Variants in CDS1 observed in about 807,000 individuals in gnomAD.
CDS1 encodes phosphatidate cytidylyltransferase 1.
In CDS1, 41 loss-of-function variants were observed where a neutral mutation model predicts 62.1. That is an observed-to-expected ratio of 0.66 (90% CI 0.51 to 0.86). The LOEUF (loss-of-function observed/expected upper bound fraction) is 0.86, where lower values mean the gene tolerates loss of function less well. CDS1 is among the 40% of genes least tolerant of loss of function. The pLI, the probability that CDS1 is intolerant of heterozygous loss-of-function variation, is 0.00. For missense variants in CDS1, 470 were observed against 550.1 expected (o/e 0.85, Z 1.46); for synonymous variants, 185 against 192.6 (o/e 0.96, Z 0.32).
chr4:84,614,600 A>G (rs1164539023), intron 3 of CDS1, among the ~76,000 whole-genome samples: 2 of 152,240 alleles, frequency 1.3e-5, no homozygotes, highest in Non-Finnish European at 2.9e-5. Flanking sequence ...AATATAGTTC[A>G]TACTCAAAAT....
intron 3 of CDS1, among the ~76,000 whole-genome samples, chr4:84,617,324 A>G (rs1385140196): frequency 6.6e-6 from 1 of 152,146 alleles, no homozygotes; most frequent in Non-Finnish European, 1.5e-5. Context: ...CTCCATTGCC[A>G]TTCCCCACCC....
chr4:84,620,224 T>G (rs1388435773), intron 5 of CDS1, among the ~76,000 whole-genome samples: 6 of 140,320 alleles, frequency 4.3e-5, no homozygotes, highest in African/African-American at 1.1e-4. Context: ...TAGTTGTTTT[T>G]TTTTTTTTTT....
At chr4:84,637,681 A>G (rs1400119720) in intron 8 of CDS1, among the ~76,000 whole-genome samples, 1 of 152,192 alleles carries the variant, frequency 6.6e-6, no homozygotes, top group Non-Finnish European at 1.5e-5. Context: ...ATAGCTGTGG[A>G]AGAATATTAG....
intron 2 of CDS1, among the ~76,000 whole-genome samples, chr4:84,608,715 CTG>C (rs1297520197): frequency 6.6e-6 from 1 of 152,016 alleles, no homozygotes; most frequent in African/African-American, 2.4e-5. Flanking sequence ...AAAATCATGA[CTG>C]TATTCATCTG....
At chr4:84,617,344 T>A (rs969083695) in intron 3 of CDS1, among the ~76,000 whole-genome samples, 1 of 152,200 alleles carries the variant, frequency 6.6e-6, no homozygotes, top group Non-Finnish European at 1.5e-5. Flanking sequence ...CCAGGAAGGA[T>A]CTTCCAAGCC....
Position 84,583,512 on chromosome 4 carries a change from C to G in CDS1, c.111C>G (p.Ser37Arg), listed in dbSNP as rs2110026896. ...AGGDHETESTSDKETDIDDRY... is the reference protein window; with the variant it reads ...AGGDHETESTRDKETDIDDRY... ...GCGACCACGAAACCGAGAGCACCAGCGACAAAGTAAGTGGAGCCGAGAGAG... is the reference window on the plus strand; with the variant it reads ...GCGACCACGAAACCGAGAGCACCAGGGACAAAGTAAGTGGAGCCGAGAGAG... The change falls in exon 1 of 13, where the codon AGC becomes AGG. Residue 37 changes from serine to arginine, a missense_variant. This residue lies in a region of CDS1 where 150 missense variants were observed against 142.0 expected (regional missense o/e 1.06). Coordinates refer to ENST00000295887, the MANE Select transcript of CDS1 (RefSeq NM_001263.4). The G allele has an allele frequency of 6.6e-7, 1 of 1,522,248 alleles. No homozygotes were observed. 94.3% of individuals were successfully genotyped at this position (1,522,248 alleles called of 1,614,324 possible).
chr4:84,629,176 G>A (rs1201619522), intron 5 of CDS1, among the ~76,000 whole-genome samples: 1 of 152,068 alleles, frequency 6.6e-6, no homozygotes, highest in Non-Finnish European at 1.5e-5. Flanking sequence ...ACATATAAAT[G>A]TATTTTTAAG....
rs1724621065 is a variant in CDS1 at position 84,648,590 on chromosome 4, G to C, written c.1290G>C (p.Leu430Phe). 2 of 1,613,800 alleles carry C rather than the reference G, an allele frequency of 1.2e-6. No individual in the cohort carries two copies. Among genetic ancestry groups the C allele is most frequent in the Admixed American group, 1.7e-5 (1 of 59,992 alleles). Residue 430 changes from leucine to phenylalanine, a missense_variant, in exon 13 of 13, where the codon TTG becomes TTC. Transcript: ENST00000295887. The stretch of plus-strand genomic sequence containing the variant: ...ATCCCAGCAAAGTGCTACAGCAGTT[G>C]TTGGTGCTTCAACCTGAACAGCAGT... Reference protein sequence around the residue: ...GPNPSKVLQQLLVLQPEQQLN... With the variant: ...GPNPSKVLQQFLVLQPEQQLN...
chr4:84,638,185 C>G (rs565337205), intron 8 of CDS1, among the ~76,000 whole-genome samples: 2 of 152,292 alleles, frequency 1.3e-5, no homozygotes, highest in East Asian at 3.9e-4. Context: ...TCCTCCTGCC[C>G]CAACACCACT....
chr4:84,583,736 G>A (rs1722330936), intron 1 of CDS1, among the ~76,000 whole-genome samples: 2 of 152,120 alleles, frequency 1.3e-5, no homozygotes, highest in South Asian at 4.1e-4. Context: ...CGCGGCCGCT[G>A]CCCGGGAGAA....
In CDS1 at chr4:84,650,364, A is replaced by G. The variant is rs1334978949; in HGVS notation, c.*1678A>G. On this transcript the variant is annotated 3_prime_UTR_variant, in exon 13 of 13. Coordinates refer to ENST00000295887, the MANE Select transcript of CDS1 (RefSeq NM_001263.4). ...ATCTAAAATTGATACTGGAAATGTT[A>G]TTATAGGAGGCAGTGATCGCATTTA... 3.3e-5 allele frequency: 5 copies of G among 152,310 alleles called. No individual in the cohort carries two copies. Among genetic ancestry groups the G allele is most frequent in the Middle Eastern group, 3.4e-3 (1 of 294 alleles). 9.4% of individuals were successfully genotyped at this position (152,310 alleles called of 1,614,324 possible).
In CDS1 at chr4:84,648,773, T is replaced by G; in HGVS notation, c.*87T>G. On this transcript the variant is annotated 3_prime_UTR_variant, in exon 13 of 13. Coordinates refer to ENST00000295887, the MANE Select transcript of CDS1 (RefSeq NM_001263.4). ...TTTATAAATTGTACAGAAAAATAGT[T>G]AAAAATGCAATAGGTTGAAGTTTTG... is the stretch of plus-strand genomic sequence containing the variant. 1 of 1,346,592 alleles carries G rather than the reference T, an allele frequency of 7.4e-7. No individual in the cohort carries two copies. Among genetic ancestry groups the G allele is most frequent in the South Asian group, 1.6e-5 (1 of 63,680 alleles). The allele number at this position is 1,346,592 out of a possible 1,614,324, so 83.4% of individuals were successfully genotyped here.
chr4:84,638,627 G>T (rs946102583), intron 8 of CDS1, among the ~76,000 whole-genome samples: 3 of 152,026 alleles, frequency 2.0e-5, no homozygotes, highest in Admixed American at 6.6e-5. Context: ...TTTTAGTATA[G>T]AGTTTATACT....
intron 1 of CDS1, among the ~76,000 whole-genome samples, chr4:84,602,304 A>G (rs752163939): frequency 2.7e-4 from 41 of 152,346 alleles, no homozygotes; most frequent in Admixed American, 5.2e-4. Flanking sequence ...AATAATATAA[A>G]TAAAAGCAGG....
Position 84,635,473 on chromosome 4 carries a change from C to CATGCACCA in CDS1, c.810+122_810+123insATGCACCA. On this transcript the variant is annotated intron_variant, in intron 8 of 12. Coordinates refer to ENST00000295887, the MANE Select transcript of CDS1 (RefSeq NM_001263.4). ...TTTGAGGTGCTTTGATTTTCCTTAGCTGCATGGTGCAGAAGCAGCAAACCA... is the reference window on the plus strand; with the variant it reads ...TTTGAGGTGCTTTGATTTTCCTTAGCATGCACCATGCATGGTGCAGAAGCAGCAAACCA... 5.5e-6 allele frequency: 4 copies of CATGCACCA among 720,890 alleles called. No individual in the cohort carries two copies. The Admixed American group carries it at 9.1e-5, about 16-fold the overall frequency. 44.7% of individuals were successfully genotyped at this position (720,890 alleles called of 1,614,324 possible).
At chr4:84,611,058 T>C (rs756279418) in intron 3 of CDS1, among the ~76,000 whole-genome samples, 41 of 152,348 alleles carry the variant, frequency 2.7e-4, no homozygotes, top group Non-Finnish European at 5.1e-4. Flanking sequence ...GCACGTGGGC[T>C]GCAATCTGAA....
intron 3 of CDS1, among the ~76,000 whole-genome samples, chr4:84,612,960 G>A (rs1406583584): frequency 6.8e-6 from 1 of 146,732 alleles, no homozygotes; most frequent in Non-Finnish European, 1.5e-5. Flanking sequence ...CGGCACTCCA[G>A]TCTGGGTGAC....
chr4:84,600,480 G>C (rs373198062), intron 1 of CDS1, among the ~76,000 whole-genome samples: 1 of 152,178 alleles, frequency 6.6e-6, no homozygotes. Flanking sequence ...ATAAATGTCT[G>C]ATCTGTTTTG....
chr4:84,600,676 G>A (rs925788743), intron 1 of CDS1, among the ~76,000 whole-genome samples: 1 of 152,136 alleles, frequency 6.6e-6, no homozygotes, highest in African/African-American at 2.4e-5. Context: ...ACATTGTCTT[G>A]ATTACAGTAG....
Sources: gnomAD v4.1 joint callset for allele counts (sites outside exome capture counted in the v4.1 genomes callset) on GRCh38, gnomAD v4.1.1 for gene constraint, gnomAD v4.1.1 regional missense constraint, MANE v1.5 for transcripts, NCBI Gene and HGNC (gene_info 2026-07-23, HGNC 2026-07-21) for gene names.